LGSN: variants seen among roughly 807,000 people sequenced by gnomAD.
LGSN encodes lengsin, lens protein with glutamine synthetase domain.
LGSN carries 21 observed loss-of-function variants against 19.5 expected under a neutral mutation model. That is an observed-to-expected ratio of 1.07 (90% CI 0.76 to 1.55). LGSN has a LOEUF of 1.55. Ranked by LOEUF, LGSN falls within the 40% of genes most tolerant of loss-of-function variation. The pLI, the probability that LGSN is intolerant of heterozygous loss-of-function variation, is 0.00. For synonymous variants in LGSN, 257 were observed against 215.6 expected, an observed-to-expected ratio of 1.19 and a Z score of -1.68; for missense variants, 673 against 608.5, an observed-to-expected ratio of 1.11 and a Z score of -1.12.
At chr6:63,477,687 C>CTTTTTTTTTTTTTTTTTTTTTTTTT in the LGSN span, among the ~76,000 whole-genome samples, 132 of 61,058 alleles carry the variant, frequency 2.2e-3, 8 homozygotes, top group East Asian at 2.8e-3. Context: ...TTCTTTTTTT[C>CTTTTTTTTTTTTTTTTTTTTTTTTT]TTTTTTTTTT....
chr6:63,346,794 AC>A, the LGSN span, among the ~76,000 whole-genome samples: 1 of 151,992 alleles, frequency 6.6e-6, no homozygotes, highest in East Asian at 1.9e-4. Context: ...TTTCGAGCTC[AC>A]CCCACCATCC....
chr6:63,572,343 C>A, the LGSN span: 1 of 276,696 alleles, frequency 3.6e-6, no homozygotes, highest in Non-Finnish European at 6.7e-6. Flanking sequence ...GCGGCGGCCG[C>A]CGCGGAGTGA....
the LGSN span, among the ~76,000 whole-genome samples, chr6:63,531,123 A>G: frequency 6.6e-6 from 1 of 152,206 alleles, no homozygotes; most frequent in African/African-American, 2.4e-5. Context: ...CTCAGTCTCC[A>G]AAGTCCTCTC....
chr6:63,453,067 G>A, the LGSN span, among the ~76,000 whole-genome samples: 5 of 152,142 alleles, frequency 3.3e-5, no homozygotes, highest in African/African-American at 4.8e-5. Context: ...TAAAAGCATA[G>A]TGTTTAGTTT....
chr6:63,419,728 A>G, the LGSN span, among the ~76,000 whole-genome samples: 2 of 151,390 alleles, frequency 1.3e-5, no homozygotes, highest in African/African-American at 4.9e-5. Context: ...TCTCTACTAA[A>G]AATACAAAAA....
the LGSN span, among the ~76,000 whole-genome samples, chr6:63,567,520 T>A: frequency 6.6e-6 from 1 of 152,216 alleles, no homozygotes; most frequent in Non-Finnish European, 1.5e-5. Flanking sequence ...AAATATTTAG[T>A]GAGCCATGCT....
At chr6:63,467,285 A>AT in the LGSN span, among the ~76,000 whole-genome samples, 2 of 151,676 alleles carry the variant, frequency 1.3e-5, no homozygotes, top group East Asian at 3.9e-4. Flanking sequence ...ATACAAAAAA[A>AT]AAATCTGAGT....
At chr6:63,382,921 T>C in the LGSN span, among the ~76,000 whole-genome samples, 1 of 152,208 alleles carries the variant, frequency 6.6e-6, no homozygotes, top group Non-Finnish European at 1.5e-5. Flanking sequence ...ACTGTTACCA[T>C]CATTATTAGC....
At chr6:63,503,960 T>G in the LGSN span, among the ~76,000 whole-genome samples, 1 of 151,708 alleles carries the variant, frequency 6.6e-6, no homozygotes, top group African/African-American at 2.4e-5. Context: ...ATATAAAAAT[T>G]TATATGCAAA....
chr6:63,404,853 G>A, the LGSN span, among the ~76,000 whole-genome samples: 41 of 151,710 alleles, frequency 2.7e-4, no homozygotes, highest in African/African-American at 9.9e-4. Context: ...TGTGCACAAT[G>A]TGCAGGTTAG....
At chr6:63,482,776 C>A in the LGSN span, among the ~76,000 whole-genome samples, 68,408 of 152,012 alleles carry the variant, frequency 0.45, 15,602 homozygotes, top group Admixed American at 0.5. Context: ...TCTTGGCTCG[C>A]TGCAACCTCC....
At chr6:63,551,651 A>G in the LGSN span, among the ~76,000 whole-genome samples, 1 of 151,870 alleles carries the variant, frequency 6.6e-6, no homozygotes, top group African/African-American at 2.4e-5. Flanking sequence ...CTTGTCGTTT[A>G]CATTAGTTAT....
chr6:63,358,563 G>A, the LGSN span, among the ~76,000 whole-genome samples: 620 of 152,070 alleles, frequency 4.1e-3, 6 homozygotes, highest in African/African-American at 0.014. Context: ...TTGTAAGTTG[G>A]ATTCCTAGGT....
At chr6:63,361,222 G>A in the LGSN span, among the ~76,000 whole-genome samples, 1 of 152,224 alleles carries the variant, frequency 6.6e-6, no homozygotes, top group Non-Finnish European at 1.5e-5. Context: ...GGTTTCTGCT[G>A]CCTTTTGTTT....
the LGSN span, among the ~76,000 whole-genome samples, chr6:63,545,505 G>C: frequency 1.3e-5 from 2 of 152,126 alleles, no homozygotes. Flanking sequence ...CAGCTACTTG[G>C]GAGGCTGAGG....
At chr6:63,318,661 T>C (rs1768962877) in intron 1 of LGSN, among the ~76,000 whole-genome samples, 1 of 152,080 alleles carries the variant, frequency 6.6e-6, no homozygotes. Context: ...CTCCTAAGAG[T>C]AAACAATCAA....
chr6:63,329,101 C>G, the LGSN span, among the ~76,000 whole-genome samples: 1 of 152,210 alleles, frequency 6.6e-6, no homozygotes, highest in East Asian at 1.9e-4. Flanking sequence ...GAATAGCCTG[C>G]TGGCACGAGG....
chr6:63,481,274 TG>T, the LGSN span, among the ~76,000 whole-genome samples: 9 of 152,068 alleles, frequency 5.9e-5, no homozygotes, highest in African/African-American at 2.2e-4. Flanking sequence ...ACTTGAGTGA[TG>T]GGTACACTAA....
At chr6:63,412,510 GA>G in the LGSN span, among the ~76,000 whole-genome samples, 3 of 95,618 alleles carry the variant, frequency 3.1e-5, no homozygotes, top group South Asian at 3.2e-4. Flanking sequence ...AAGAAAGAAA[GA>G]AAGAAAGAAA....
Sources: allele counts gnomAD v4.1 joint callset (sites outside exome capture counted in the v4.1 genomes callset), GRCh38; gene constraint gnomAD v4.1.1; transcripts MANE v1.5; gene names NCBI Gene and HGNC (gene_info 2026-07-23, HGNC 2026-07-21).